The following FAM193A variants were observed in gnomAD, a reference collection of about 807,000 sequenced individuals.
The protein encoded by FAM193A is family with sequence similarity 193 member A.
In FAM193A, 22 loss-of-function variants were observed where a neutral mutation model predicts 126.5. The observed-to-expected ratio is 0.17, with a 90% CI of 0.12 to 0.25. The LOEUF (loss-of-function observed/expected upper bound fraction) is 0.25. FAM193A is among the 10% of genes least tolerant of loss of function. The pLI is 1.00. For missense variants in FAM193A, 1,675 were observed against 1,672.8 expected (o/e 1.00, Z -0.02); for synonymous variants, 761 against 646.8 (o/e 1.18, Z -2.68).
At chr4:2,696,745 G>A in intron 18 of FAM193A, 152 bp downstream of exon 18, 1 of 618,660 alleles carries the variant, frequency 1.6e-6, no homozygotes. Flanking sequence ...GAGCCAGCCT[G>A]TCTCTGGTGG....
intron 2 of FAM193A, among the ~76,000 whole-genome samples, chr4:2,614,690 T>G (rs985156278): frequency 6.6e-6 from 1 of 152,254 alleles, no homozygotes; most frequent in Non-Finnish European, 1.5e-5. Context: ...TTGGCATTAT[T>G]TCTACCTTAA....
At chr4:2,664,217 T>G (rs191414662) in intron 12 of FAM193A, among the ~76,000 whole-genome samples, 14 of 152,314 alleles carry the variant, frequency 9.2e-5, no homozygotes, top group Admixed American at 8.5e-4. Flanking sequence ...TTTAGAAGAT[T>G]TATAATTTTA....
intron 13 of FAM193A, among the ~76,000 whole-genome samples, chr4:2,682,364 A>G (rs1053184954): frequency 4.6e-5 from 7 of 152,018 alleles, no homozygotes; most frequent in African/African-American, 9.7e-5. Flanking sequence ...GACTCTTGCT[A>G]TGTTACCCAA....
intron 1 of FAM193A, among the ~76,000 whole-genome samples, chr4:2,593,867 C>T (rs1304352261): frequency 1.4e-5 from 2 of 140,660 alleles, no homozygotes; most frequent in African/African-American, 5.2e-5. Flanking sequence ...ATCAGTGTGC[C>T]TTTTTTTTTT....
intron 1 of FAM193A, among the ~76,000 whole-genome samples, chr4:2,545,502 G>GT (rs1440406147): frequency 1.3e-5 from 2 of 151,962 alleles, no homozygotes; most frequent in Non-Finnish European, 2.9e-5. Flanking sequence ...GTCAACTGAT[G>GT]TGTCTATTCC....
chr4:2,548,367 G>A (rs1292143075), intron 1 of FAM193A, among the ~76,000 whole-genome samples: 2 of 151,554 alleles, frequency 1.3e-5, no homozygotes, highest in African/African-American at 4.9e-5. Flanking sequence ...CACCATGCCC[G>A]GCCTACTTTG....
chr4:2,567,555 C>T (rs1367373965), intron 1 of FAM193A, among the ~76,000 whole-genome samples: 1 of 152,100 alleles, frequency 6.6e-6, no homozygotes, highest in Non-Finnish European at 1.5e-5. Context: ...TTTTTGGTGA[C>T]ACAACAAGTT....
chr4:2,565,898 A>G (rs777884752), intron 1 of FAM193A, among the ~76,000 whole-genome samples: 1 of 152,202 alleles, frequency 6.6e-6, no homozygotes, highest in African/African-American at 2.4e-5. Context: ...TTTCTTTTAC[A>G]TAAAGGTAAG....
intron 19 of FAM193A, chr4:2,715,424 G>A: frequency 6.2e-6 from 5 of 808,812 alleles, no homozygotes; most frequent in Non-Finnish European, 7.5e-6. Context: ...GATCATGCCT[G>A]GGTGACAGAA....
chr4:2,542,639 G>A (rs1737301566), intron 1 of FAM193A, among the ~76,000 whole-genome samples: 1 of 152,174 alleles, frequency 6.6e-6, no homozygotes, highest in African/African-American at 2.4e-5. Context: ...TACCTTGTAT[G>A]GTGCAAAATG....
At chr4:2,630,540 G>C (rs576862932) in intron 4 of FAM193A, among the ~76,000 whole-genome samples, 1 of 152,302 alleles carries the variant, frequency 6.6e-6, no homozygotes, top group African/African-American at 2.4e-5. Flanking sequence ...GTCTGAGCAT[G>C]TTGTCTGGGG....
At chr4:2,611,642 G>A (rs1741881964) in intron 2 of FAM193A, among the ~76,000 whole-genome samples, 1 of 151,870 alleles carries the variant, frequency 6.6e-6, no homozygotes, top group South Asian at 2.1e-4. Flanking sequence ...GTATCTCTTT[G>A]GAAAAGTGGC....
At chr4:2,628,924 C>T (rs1012200060) in intron 4 of FAM193A, among the ~76,000 whole-genome samples, 8 of 150,778 alleles carry the variant, frequency 5.3e-5, no homozygotes, top group Non-Finnish European at 1.0e-4. Context: ...GCAGTCTTGG[C>T]TCACTGCAAG....
chr4:2,690,575 C>A, intron 14 of FAM193A, 123 bp from the exon 15 acceptor site: 2 of 849,400 alleles, frequency 2.4e-6, no homozygotes, highest in Non-Finnish European at 3.7e-6. Flanking sequence ...TAGTGTCATC[C>A]CAGTGGGATC....
In FAM193A at chr4:2,699,583, A is replaced by G. The variant is rs565764820; in HGVS notation, c.3508-97A>G. ...ACAGCCTCTTCAGAGTTTATGTTCC[A>G]TATGTGATTCGTTTTTGAAATTATC... On this transcript the variant is annotated intron_variant, in intron 18 of 20. Coordinates refer to ENST00000637812, the MANE Select transcript of FAM193A (RefSeq NM_001366318.2). The G allele has an allele frequency of 9.2e-6, 11 of 1,196,988 alleles. No individual in the cohort carries two copies. In the East Asian group the frequency reaches 2.4e-4, roughly 26 times the overall value. The allele number at this position is 1,196,988 out of a possible 1,614,324, so 74.1% of individuals were successfully genotyped here. A position where few individuals can be genotyped will look rare whatever the true frequency, so the allele number is the denominator to read the frequency against.
chr4:2,661,912 A>G (rs1248639414), intron 10 of FAM193A, among the ~76,000 whole-genome samples: 2 of 152,190 alleles, frequency 1.3e-5, no homozygotes, highest in Non-Finnish European at 2.9e-5. Flanking sequence ...GGCCGGGTGC[A>G]GTGGCTGATG....
chr4:2,655,678 C>G (rs1342501131), intron 7 of FAM193A, among the ~76,000 whole-genome samples: 2 of 151,780 alleles, frequency 1.3e-5, no homozygotes, highest in Non-Finnish European at 2.9e-5. Context: ...CAGCTGTAAT[C>G]CCAGCACTTT....
At chr4:2,550,620 C>T (rs79101055) in intron 1 of FAM193A, among the ~76,000 whole-genome samples, 2 of 149,798 alleles carry the variant, frequency 1.3e-5, no homozygotes, top group East Asian at 2.0e-4. Context: ...ATTTTTAGTA[C>T]AGACGGGGTT....
At chr4:2,552,501 A>C (rs1051505217) in intron 1 of FAM193A, among the ~76,000 whole-genome samples, 9 of 151,498 alleles carry the variant, frequency 5.9e-5, no homozygotes, top group African/African-American at 2.2e-4. Flanking sequence ...AGCCATACTT[A>C]AGCTGTATCC....
Sources: gnomAD v4.1 joint callset for allele counts (sites outside exome capture counted in the v4.1 genomes callset) on GRCh38, gnomAD v4.1.1 for gene constraint, MANE v1.5 for transcripts, NCBI Gene and HGNC (gene_info 2026-07-23, HGNC 2026-07-21) for gene names.